JHY: variants seen among roughly 807,000 people sequenced by gnomAD.
JHY encodes the protein jhy protein homolog.
In JHY, 69 loss-of-function variants were observed where a neutral mutation model predicts 78.0. The ratio of observed to expected loss-of-function variants is 0.88; its 90% confidence interval spans 0.73 to 1.08. JHY has a LOEUF of 1.08. Among genes scored for constraint, JHY ranks in the 50% least tolerant of loss-of-function variants. JHY has a pLI of 0.00. For missense variants in JHY, 944 were observed against 927.8 expected (o/e 1.02, Z -0.23); for synonymous variants, 368 against 342.6 (o/e 1.07, Z -0.82).
At position 122,956,526 on chromosome 11, in the gene JHY, G is replaced by A. The variant is rs749306977; in HGVS notation, c.1960G>A (p.Asp654Asn). The A allele has an allele frequency of 1.9e-6, 3 of 1,613,712 alleles. No individual in the cohort carries two copies. The South Asian group carries it at 3.3e-5, about 18-fold the overall frequency. The change falls in exon 7 of 9, where the codon GAC (aspartate) becomes AAC (asparagine). Residue 654 changes from aspartate (D) to asparagine (N), a missense_variant. Asp to Asn is a conservative substitution (Grantham distance 23, BLOSUM62 1). Transcript: ENST00000227349. ...NTKLKGYQKR[D>N]VKLGGLGPDF... ...CAAGCTGAAAGGTTATCAGAAAAGA[G>A]ACGTGAAGCTTGGAGGCCTCGGACC... is the stretch of plus-strand genomic sequence containing the variant.
intron 2 of JHY, among the ~76,000 whole-genome samples, chr11:122,899,220 A>G (rs1280692152): frequency 6.6e-6 from 1 of 152,224 alleles, no homozygotes; most frequent in Non-Finnish European, 1.5e-5. Flanking sequence ...GGGCTCGATA[A>G]ATAAATACCT....
intron 8 of JHY, among the ~76,000 whole-genome samples, chr11:122,957,730 C>T (rs759947401): frequency 4.5e-4 from 67 of 150,356 alleles, no homozygotes; most frequent in Middle Eastern, 6.8e-3. Flanking sequence ...TTTTTTGGAA[C>T]GCAGGAGATG....
chr11:122,904,556 TA>T, intron 3 of JHY, 112 bp downstream of exon 3: 1 of 1,257,132 alleles, frequency 8.0e-7, no homozygotes, highest in Middle Eastern at 2.8e-4. Context: ...AGCAGCCACC[TA>T]GCTGGGTAAA....
At chr11:122,887,622 A>AT (rs573244822) in intron 2 of JHY, among the ~76,000 whole-genome samples, 1,566 of 144,162 alleles carry the variant, frequency 0.011, 13 homozygotes, top group African/African-American at 0.027. Flanking sequence ...TGCCCGGCCG[A>AT]TTTTTTTTTT....
chr11:122,900,227 C>T (rs916099520), intron 2 of JHY, among the ~76,000 whole-genome samples: 2 of 152,156 alleles, frequency 1.3e-5, no homozygotes, highest in African/African-American at 4.8e-5. Context: ...TTCAGCAAGG[C>T]GTGACAGTTT....
At position 122,883,394 on chromosome 11, in the gene JHY, T is replaced by C. The variant is rs1401514005; in HGVS notation, c.-90+422T>C. On this transcript the variant is annotated intron_variant, in intron 1 of 8. Coordinates refer to ENST00000227349, the MANE Select transcript of JHY (RefSeq NM_024806.4). This position sits in a 1 kb window ranked among gnomAD's most constrained non-coding sequence, Gnocchi z 4.4. Reference sequence around the variant, plus strand: ...CCTTTTTCTTTACGATTCATCTTGGTGAGCCCAAGCAGGGTTCCTTTTCCC... The same window carrying C: ...CCTTTTTCTTTACGATTCATCTTGGCGAGCCCAAGCAGGGTTCCTTTTCCC... 6.6e-6 allele frequency among the ~76,000 whole-genome samples: 1 copy of C among 152,172 alleles called. No homozygotes were observed. The highest frequency in any genetic ancestry group is 1.5e-5 in the Non-Finnish European group (1 of 68,018).
At chr11:122,926,700 G>T (rs188345227) in intron 4 of JHY, among the ~76,000 whole-genome samples, 8 of 152,298 alleles carry the variant, frequency 5.3e-5, no homozygotes, top group Admixed American at 5.2e-4. Context: ...AATACCTTAA[G>T]ATTTGCCATG....
intron 2 of JHY, among the ~76,000 whole-genome samples, chr11:122,899,600 A>T (rs963211560): frequency 1.3e-5 from 2 of 152,224 alleles, no homozygotes; most frequent in African/African-American, 4.8e-5. Context: ...TTCTGTCCAT[A>T]GCACAGTGCA....
At position 122,882,841 on chromosome 11, in the gene JHY, T is replaced by A. The variant is rs1449554690; in HGVS notation, c.-221T>A. Reference sequence around the variant, plus strand: ...TAGGTCGGGTCCTGCCCCGCCCATGTGGCGCCGGCGTCTGTGTTGTCTGCG... The same window carrying A: ...TAGGTCGGGTCCTGCCCCGCCCATGAGGCGCCGGCGTCTGTGTTGTCTGCG... On this transcript the variant is annotated 5_prime_UTR_variant, in exon 1 of 9. Transcript: ENST00000227349. 1 of 152,824 alleles carries A rather than the reference T, an allele frequency of 6.5e-6. No homozygotes were observed. The highest frequency in any genetic ancestry group is 1.9e-4 in the East Asian group (1 of 5,176). 9.5% of individuals were successfully genotyped at this position (152,824 alleles called of 1,614,324 possible).
intron 3 of JHY, among the ~76,000 whole-genome samples, chr11:122,914,556 T>C (rs1863197184): frequency 6.6e-6 from 1 of 152,158 alleles, no homozygotes; most frequent in African/African-American, 2.4e-5. Flanking sequence ...GCGATTCTCC[T>C]GCCTCAGCCT....
Position 122,940,224 on chromosome 11 carries a change from G to C in JHY, c.1634+5149G>C, listed in dbSNP as rs555181362. Among the ~76,000 whole-genome samples, 10 of 152,146 alleles carry C rather than the reference G, an allele frequency of 6.6e-5. No individual in the cohort carries two copies. The East Asian group carries it at 1.9e-3, about 29-fold the overall frequency. On this transcript the variant is annotated intron_variant, in intron 5 of 8. Coordinates refer to ENST00000227349, the MANE Select transcript of JHY (RefSeq NM_024806.4). ...GTGGTGGCAGGCTCCTGTAGTCCCA[G>C]CTACTCGGGAGGCTGAGGCAGGAGA...
chr11:122,912,061 C>T (rs962219329), intron 3 of JHY, among the ~76,000 whole-genome samples: 3 of 151,310 alleles, frequency 2.0e-5, no homozygotes, highest in African/African-American at 7.3e-5. Context: ...CTGGGGTGGG[C>T]GGATCACCTG....
chr11:122,905,032 A>G, intron 3 of JHY: 1 of 715,394 alleles, frequency 1.4e-6, no homozygotes. Flanking sequence ...TTTTTTTTTC[A>G]ATCTTCAGAT....
At chr11:122,910,037 T>A (rs1224101719) in intron 3 of JHY, among the ~76,000 whole-genome samples, 1 of 152,124 alleles carries the variant, frequency 6.6e-6, no homozygotes, top group African/African-American at 2.4e-5. Context: ...ATCTGTCATT[T>A]GGGGAGTAAA....
intron 2 of JHY, among the ~76,000 whole-genome samples, chr11:122,901,449 T>A (rs1862856239): frequency 1.0e-5 from 1 of 97,382 alleles, no homozygotes; most frequent in South Asian, 3.4e-4. Flanking sequence ...CTTTTTTATT[T>A]TATATACTTT....
chr11:122,912,252 A>G (rs1863145643), intron 3 of JHY, among the ~76,000 whole-genome samples: 1 of 148,884 alleles, frequency 6.7e-6, no homozygotes, highest in Admixed American at 6.9e-5. Context: ...TCGCCACTGC[A>G]CTCCAGCCTA....
In JHY at chr11:122,956,164, A is replaced by AT. The variant is rs1409406573; in HGVS notation, c.1930-332_1930-331insT. ...GCAAAACCAGGTATCTCCAAAAAAAAAAAAATAAAATAAAAAACATTCGTA... is the reference window on the plus strand; with the variant it reads ...GCAAAACCAGGTATCTCCAAAAAAAATAAAAATAAAATAAAAAACATTCGTA... On this transcript the variant is annotated intron_variant, in intron 6 of 8. Transcript: ENST00000227349. 5.3e-5 allele frequency among the ~76,000 whole-genome samples: 8 copies of AT among 151,862 alleles called. No individual in the cohort carries two copies. In the South Asian group the frequency reaches 1.2e-3, roughly 24 times the overall value.
intron 5 of JHY, among the ~76,000 whole-genome samples, chr11:122,941,276 A>G (rs1317288885): frequency 1.3e-5 from 2 of 152,176 alleles, no homozygotes; most frequent in Admixed American, 6.5e-5. Flanking sequence ...TCTTTCTATA[A>G]TTATGCCTAT....
intron 2 of JHY, among the ~76,000 whole-genome samples, chr11:122,896,342 CAAAAAAAAAA>C (rs11370911): frequency 2.7e-5 from 2 of 73,422 alleles, no homozygotes; most frequent in Non-Finnish European, 4.9e-5. Context: ...GACTCTGTCT[CAAAAAAAAAA>C]AAAAAAAAAA....
Sources: allele counts gnomAD v4.1 joint callset (sites outside exome capture counted in the v4.1 genomes callset), GRCh38; gene constraint gnomAD v4.1.1; non-coding constraint Gnocchi (gnomAD v3.1); transcripts MANE v1.5; gene names NCBI Gene and HGNC (gene_info 2026-07-23, HGNC 2026-07-21).